Variants in RBFOX1 observed in about 807,000 individuals in gnomAD.
RBFOX1 encodes the protein RNA binding protein fox-1 homolog 1.
In RBFOX1, 8 loss-of-function variants were observed where a neutral mutation model predicts 57.7. The ratio of observed to expected loss-of-function variants is 0.14; its 90% CI spans 0.08 to 0.25. The LOEUF (loss-of-function observed/expected upper bound fraction) is 0.25, where lower values mean the gene tolerates loss of function less well. RBFOX1 is among the 10% of genes least tolerant of loss of function. The probability of loss-of-function intolerance (pLI) is 1.00; values close to 1 mark genes in which losing one functional copy is unlikely to be tolerated. For synonymous variants in RBFOX1, 326 were observed against 222.4 expected, an observed-to-expected ratio of 1.47 and a Z score of -4.15; for missense variants, 611 against 548.5, an observed-to-expected ratio of 1.11 and a Z score of -1.14.
intron 3 of RBFOX1, among the ~76,000 whole-genome samples, chr16:5,674,465 C>T (rs568440018): frequency 5.5e-4 from 84 of 152,146 alleles, no homozygotes; most frequent in Non-Finnish European, 1.1e-3. Context: ...CTCAGTCTCA[C>T]GTTTGACTCC....
Position 6,563,454 on chromosome 16 carries a change from G to C in RBFOX1, c.-63-91149G>C, listed in dbSNP as rs950655974. Among the ~76,000 whole-genome samples the C allele has an allele frequency of 3.9e-5, 6 of 152,242 alleles. No homozygotes were observed. In the East Asian group the frequency reaches 1.2e-3, roughly 29 times the overall value. On this transcript the variant is annotated intron_variant, in intron 2 of 15. Coordinates refer to ENST00000550418, the MANE Select transcript of RBFOX1 (RefSeq NM_018723.4). ...ATGTGTATAAGTTATTGAGATGTAA[G>C]TCAAAAAATTTGGTGCATCCCTAGA...
chr16:5,448,726 G>T (rs1362863825), intron 1 of RBFOX1, among the ~76,000 whole-genome samples: 1 of 152,192 alleles, frequency 6.6e-6, no homozygotes, highest in South Asian at 2.1e-4. Context: ...TAACTTGCTG[G>T]TAATAAATTA....
At chr16:7,187,816 A>G (rs2084308786) in intron 4 of RBFOX1, among the ~76,000 whole-genome samples, 1 of 152,098 alleles carries the variant, frequency 6.6e-6, no homozygotes, top group South Asian at 2.1e-4. Flanking sequence ...ATGGTGAGAA[A>G]TTAGAAACAA....
intron 1 of RBFOX1, among the ~76,000 whole-genome samples, chr16:6,091,568 G>A (rs566868336): frequency 4.6e-5 from 7 of 152,294 alleles, no homozygotes; most frequent in Admixed American, 1.3e-4. Flanking sequence ...CATGGCTCAC[G>A]CCTGTAATCC....
chr16:6,071,770 C>T (rs2152486239), intron 1 of RBFOX1, among the ~76,000 whole-genome samples: 1 of 152,324 alleles, frequency 6.6e-6, no homozygotes, highest in East Asian at 1.9e-4. Context: ...CTGGTTACCA[C>T]CATTCTCCCC....
rs530940613 is a variant in RBFOX1 at position 7,329,452 on chromosome 16, C to G, written c.28-188695C>G. 2.0e-4 allele frequency among the ~76,000 whole-genome samples: 31 copies of G among 152,304 alleles called. 1 individual carries two copies. In the South Asian group the frequency reaches 6.2e-3, roughly 31 times the overall value. On this transcript the variant is annotated intron_variant, in intron 4 of 15. Transcript: ENST00000550418. ...AGACACACGACATAGTGTCGACCTT[C>G]TAGAGGAGGCTCCAAGAAGGAAGAA...
chr16:5,944,069 C>T (rs1485882904), intron 4 of RBFOX1, among the ~76,000 whole-genome samples: 2 of 152,104 alleles, frequency 1.3e-5, no homozygotes, highest in Non-Finnish European at 2.9e-5. Context: ...ATCCATCATT[C>T]AGCCCACATA....
chr16:6,592,013 A>C (rs2097718049), intron 2 of RBFOX1, among the ~76,000 whole-genome samples: 2 of 152,158 alleles, frequency 1.3e-5, no homozygotes, highest in Admixed American at 6.5e-5. Flanking sequence ...TTATTTAATC[A>C]TATAGTTGTA....
intron 3 of RBFOX1, among the ~76,000 whole-genome samples, chr16:6,804,923 A>G (rs1213261832): frequency 6.6e-6 from 1 of 152,182 alleles, no homozygotes; most frequent in Non-Finnish European, 1.5e-5. Flanking sequence ...AGATTCAAAG[A>G]CTTCTCATAT....
chr16:6,828,195 C>G (rs373553667), intron 3 of RBFOX1, among the ~76,000 whole-genome samples: 2 of 151,952 alleles, frequency 1.3e-5, no homozygotes, highest in Non-Finnish European at 2.9e-5. Context: ...TTCCCTTGCC[C>G]GTAGAAGTGA....
intron 15 of RBFOX1, chr16:7,709,875 C>G: frequency 1.8e-6 from 2 of 1,125,956 alleles, no homozygotes; most frequent in Non-Finnish European, 2.2e-6. Flanking sequence ...AGAGCATATG[C>G]AATCATTACA....
At chr16:7,321,067 C>A (rs1199669850) in intron 4 of RBFOX1, among the ~76,000 whole-genome samples, 24 of 71,502 alleles carry the variant, frequency 3.4e-4, no homozygotes, top group Non-Finnish European at 6.2e-4. Context: ...ATCTATCTGT[C>A]TATCTATACG....
chr16:7,481,682 T>G (rs2063974924), intron 4 of RBFOX1, among the ~76,000 whole-genome samples: 1 of 152,176 alleles, frequency 6.6e-6, no homozygotes, highest in South Asian at 2.1e-4. Flanking sequence ...ATGCTTTGAG[T>G]ATGACATGAA....
At chr16:7,040,250 A>T (rs1414430413) in intron 3 of RBFOX1, among the ~76,000 whole-genome samples, 1 of 151,510 alleles carries the variant, frequency 6.6e-6, no homozygotes, top group Non-Finnish European at 1.5e-5. Flanking sequence ...CGATCTCTTG[A>T]CCTCATGGTC....
intron 1 of RBFOX1, among the ~76,000 whole-genome samples, chr16:5,432,215 C>G (rs1476661820): frequency 6.6e-6 from 1 of 152,108 alleles, no homozygotes; most frequent in Non-Finnish European, 1.5e-5. Flanking sequence ...AAACACAATT[C>G]TGAAAGCATG....
chr16:6,455,045 G>A (rs2153053261), intron 2 of RBFOX1, among the ~76,000 whole-genome samples: 1 of 98,150 alleles, frequency 1.0e-5, no homozygotes, highest in East Asian at 3.5e-4. Context: ...ACCATGCCTG[G>A]CTAATTTTTT....
rs527505315 is a variant in RBFOX1 at position 7,295,949 on chromosome 16, G to A, written c.28-222198G>A. Among the ~76,000 whole-genome samples, 10 of 152,306 alleles carry A rather than the reference G, an allele frequency of 6.6e-5. No homozygotes were observed. The South Asian group carries it at 2.1e-3, about 32-fold the overall frequency. On this transcript the variant is annotated intron_variant, in intron 4 of 15. Coordinates refer to ENST00000550418, the MANE Select transcript of RBFOX1 (RefSeq NM_018723.4). Reference sequence around the variant, plus strand: ...GGTGTTTGGTTTGGTTTGCTGCAGTGAACCTGTGGGGGTAAAGAGAATAGT... The same window carrying A: ...GGTGTTTGGTTTGGTTTGCTGCAGTAAACCTGTGGGGGTAAAGAGAATAGT...
At chr16:5,628,304 T>G (rs562183805) in intron 3 of RBFOX1, among the ~76,000 whole-genome samples, 1 of 152,208 alleles carries the variant, frequency 6.6e-6, no homozygotes, top group Non-Finnish European at 1.5e-5. Flanking sequence ...TGATACCAAT[T>G]ATCACAGACT....
chr16:6,814,214 C>T (rs1344421802), intron 3 of RBFOX1, among the ~76,000 whole-genome samples: 2 of 139,488 alleles, frequency 1.4e-5, no homozygotes, highest in East Asian at 2.1e-4. Context: ...TAACTGTTTT[C>T]TTCTTTCATG....
Sources: allele counts gnomAD v4.1 joint callset (sites outside exome capture counted in the v4.1 genomes callset), GRCh38; gene constraint gnomAD v4.1.1; transcripts MANE v1.5; gene names NCBI Gene and HGNC (gene_info 2026-07-23, HGNC 2026-07-21).